TAMM41: variants seen among roughly 807,000 people sequenced by gnomAD.
TAMM41 encodes phosphatidate cytidylyltransferase, mitochondrial.
In TAMM41, 36 loss-of-function variants were observed where a neutral mutation model predicts 44.1. The ratio of observed to expected loss-of-function variants is 0.82; its 90% CI spans 0.63 to 1.08. The LOEUF is 1.08. TAMM41 is among the 50% of genes least tolerant of loss of function. The pLI is 0.00. For missense variants in TAMM41, 417 were observed against 404.3 expected (o/e 1.03, Z -0.27); for synonymous variants, 164 against 153.1 (o/e 1.07, Z -0.53).
At chr3:11,726,998 C>T in the TAMM41 span, among the ~76,000 whole-genome samples, 1 of 151,960 alleles carries the variant, frequency 6.6e-6, no homozygotes, top group South Asian at 2.1e-4. Flanking sequence ...GATCTTATTT[C>T]AGGGAGAGAG....
chr3:11,839,853 A>T (rs764606962), intron 2 of TAMM41, among the ~76,000 whole-genome samples: 20 of 152,172 alleles, frequency 1.3e-4, no homozygotes, highest in Non-Finnish European at 2.4e-4. Context: ...CTCAGGAGAC[A>T]TGTGTCCAGA....
At chr3:11,767,626 A>ATTTTTTTTTTTTTTTTTTTTTTTTTTT in the TAMM41 span, among the ~76,000 whole-genome samples, 61 of 60,708 alleles carry the variant, frequency 1.0e-3, 25 homozygotes, top group Non-Finnish European at 1.3e-3. Context: ...CACGTTGTGC[A>ATTTTTTTTTTTTTTTTTTTTTTTTTTT]TTTTTTTTTT....
chr3:11,807,146 G>A (rs539611044), intron 7 of TAMM41: 177 of 1,233,186 alleles, frequency 1.4e-4, no homozygotes, highest in Non-Finnish European at 1.7e-4. Context: ...GTAAATGGGG[G>A]ACCCCCTAGA....
At chr3:11,800,001 T>C (rs1282513930) in intron 7 of TAMM41, among the ~76,000 whole-genome samples, 3 of 152,180 alleles carry the variant, frequency 2.0e-5, no homozygotes, top group Non-Finnish European at 4.4e-5. Context: ...TAGAATAAGC[T>C]TCATAAATGA....
chr3:11,790,196 G>C (rs2291825), downstream of TAMM41, among the ~76,000 whole-genome samples: 85,588 of 152,038 alleles, frequency 0.56, 24,905 homozygotes, highest in East Asian at 0.77. Context: ...GCTACGTGTT[G>C]ACAGCATACA....
the TAMM41 span, among the ~76,000 whole-genome samples, chr3:11,758,378 G>A: frequency 1.3e-5 from 2 of 152,288 alleles, no homozygotes; most frequent in South Asian, 2.1e-4. Context: ...TTGAGACGGA[G>A]TCTCGCTCTG....
Position 11,844,123 on chromosome 3 carries a change from A to G in TAMM41, c.224T>C (p.Phe75Ser), listed in dbSNP as rs139030053. Reference protein sequence around the residue: ...NLKKNWSHYSFLKVLGPKIIT... With the variant: ...NLKKNWSHYSSLKVLGPKIIT... ...AATCTTGGGCCCTAAAACTTTTAGG[A>G]AAGAGTAGTGACTCCAATTTTTCTT... The change falls in exon 2 of 8, where the codon TTC becomes TCC. Residue 75 changes from phenylalanine to serine, a missense_variant. Coordinates refer to ENST00000455809, the MANE Select transcript of TAMM41 (RefSeq NM_001284401.2). 1.4e-4 allele frequency: 221 copies of G among 1,614,244 alleles called. No individual in the cohort carries two copies. Among genetic ancestry groups the G allele is most frequent in the Admixed American group, 1.3e-3 (79 of 60,030 alleles).
the TAMM41 span, among the ~76,000 whole-genome samples, chr3:11,753,324 C>T: frequency 6.6e-6 from 1 of 152,038 alleles, no homozygotes; most frequent in Admixed American, 6.6e-5. Context: ...GTCCCAGCTA[C>T]TTGGGAGGCT....
At chr3:11,837,478 T>C (rs541414565) in intron 3 of TAMM41, among the ~76,000 whole-genome samples, 1 of 152,208 alleles carries the variant, frequency 6.6e-6, no homozygotes, top group East Asian at 1.9e-4. Context: ...CCACTTTTTT[T>C]TTTTCCTGTT....
chr3:11,782,018 A>T, the TAMM41 span, among the ~76,000 whole-genome samples: 1 of 152,152 alleles, frequency 6.6e-6, no homozygotes, highest in African/African-American at 2.4e-5. Flanking sequence ...GAGAAAAGAA[A>T]GCAATGACAC....
intron 3 of TAMM41, among the ~76,000 whole-genome samples, chr3:11,834,036 A>G (rs2079081194): frequency 6.6e-6 from 1 of 152,164 alleles, no homozygotes; most frequent in Non-Finnish European, 1.5e-5. Flanking sequence ...TCAGCCCAGG[A>G]GTTCAAGACC....
chr3:11,770,039 C>A, the TAMM41 span, among the ~76,000 whole-genome samples: 1 of 152,144 alleles, frequency 6.6e-6, no homozygotes. Flanking sequence ...ATTTGGTCTG[C>A]GATGTAAGAA....
At chr3:11,745,024 C>G in the TAMM41 span, among the ~76,000 whole-genome samples, 27,925 of 152,030 alleles carry the variant, frequency 0.18, 3,259 homozygotes, top group Non-Finnish European at 0.26. Flanking sequence ...CCACCACACT[C>G]GGTTAATTTT....
the TAMM41 span, among the ~76,000 whole-genome samples, chr3:11,766,685 G>A: frequency 6.6e-6 from 1 of 151,880 alleles, no homozygotes; most frequent in Non-Finnish European, 1.5e-5. Flanking sequence ...TCCTGCCTCA[G>A]CCTCCCTTGT....
At chr3:11,750,413 A>G in the TAMM41 span, among the ~76,000 whole-genome samples, 1 of 151,952 alleles carries the variant, frequency 6.6e-6, no homozygotes, top group Admixed American at 6.6e-5. Context: ...GGCTTAAGGG[A>G]TCCTCCTGCC....
intron 7 of TAMM41, chr3:11,807,097 TGA>T: frequency 1.1e-6 from 1 of 889,572 alleles, no homozygotes. Context: ...TTCACCAAAA[TGA>T]GAGTGTGCAC....
Position 11,846,624 on chromosome 3 carries a change from T to C in TAMM41, c.13A>G (p.Thr5Ala), listed in dbSNP as rs1466397234. The C allele has an allele frequency of 1.2e-6, 2 of 1,614,194 alleles. No homozygotes were observed. Among genetic ancestry groups the C allele is most frequent in the South Asian group, 1.1e-5 (1 of 91,076 alleles). MALQ[T>A]LQSSWVTFRK... ...AAGGTCACCCACGAGCTCTGCAGCG[T>C]CTGCAGCGCCATGGGGTCGAGGCTA... is the stretch of plus-strand genomic sequence containing the variant. The change falls in exon 1 of 8, where the codon ACG becomes GCG. Residue 5 changes from threonine to alanine, a missense_variant. By Grantham distance (58) the Thr-to-Ala change is moderately conservative (BLOSUM62 0). Coordinates refer to ENST00000455809, the MANE Select transcript of TAMM41 (RefSeq NM_001284401.2).
the TAMM41 span, chr3:11,721,964 A>G: frequency 2.0e-5 from 3 of 152,272 alleles, no homozygotes; most frequent in East Asian, 1.9e-4. Flanking sequence ...AAATGCCCAG[A>G]CAACGCAAAT....
the TAMM41 span, among the ~76,000 whole-genome samples, chr3:11,734,602 C>T: frequency 6.6e-6 from 1 of 152,140 alleles, no homozygotes; most frequent in African/African-American, 2.4e-5. Flanking sequence ...AGCTCTATTA[C>T]ATGCAGCTAC....
Sources: allele counts gnomAD v4.1 joint callset (sites outside exome capture counted in the v4.1 genomes callset), GRCh38; gene constraint gnomAD v4.1.1; transcripts MANE v1.5; gene names NCBI Gene and HGNC (gene_info 2026-07-23, HGNC 2026-07-21).